Variants in PAK5 observed in about 807,000 individuals in gnomAD.
The protein encoded by PAK5 is p21 (RAC1) activated kinase 5.
Under a neutral mutation model 65.9 loss-of-function variants are expected in PAK5, and 16 were observed. The ratio of observed to expected loss-of-function variants is 0.24; its 90% CI spans 0.16 to 0.37. The LOEUF (loss-of-function observed/expected upper bound fraction) is 0.37, where lower values mean the gene tolerates loss of function less well. Ranked by LOEUF, PAK5 falls within the 10% of genes least tolerant of loss-of-function variation. The pLI is 1.00. For missense variants in PAK5, 785 were observed against 903.9 expected, an observed-to-expected ratio of 0.87 and a Z score of 1.69; for synonymous variants, 371 against 354.9, an observed-to-expected ratio of 1.05 and a Z score of -0.51.
At chr20:9,724,283 C>A (rs1404080659) in intron 1 of PAK5, among the ~76,000 whole-genome samples, 1 of 152,134 alleles carries the variant, frequency 6.6e-6, no homozygotes, top group African/African-American at 2.4e-5. Flanking sequence ...AGAAACTTCT[C>A]TCAAGTGTAA....
At chr20:9,822,388 T>G (rs1316571634) in intron 1 of PAK5, among the ~76,000 whole-genome samples, 2 of 152,214 alleles carry the variant, frequency 1.3e-5, no homozygotes, top group Non-Finnish European at 2.9e-5. Flanking sequence ...AGGTCAGTTG[T>G]AGCCTTACTT....
intron 1 of PAK5, among the ~76,000 whole-genome samples, chr20:9,741,471 G>T (rs1048558541): frequency 1.3e-5 from 2 of 152,076 alleles, no homozygotes; most frequent in African/African-American, 2.4e-5. Flanking sequence ...GGAGGAATGA[G>T]CTCAATATTG....
At chr20:9,710,898 C>T (rs561057574) in intron 2 of PAK5, among the ~76,000 whole-genome samples, 11 of 152,252 alleles carry the variant, frequency 7.2e-5, no homozygotes, top group South Asian at 4.1e-4. Context: ...GACACATGGA[C>T]GGTATGATCT....
intron 1 of PAK5, among the ~76,000 whole-genome samples, chr20:9,766,372 CAAGCAGAATATATATGTATATATA>C (rs1569079053): frequency 0.018 from 571 of 32,076 alleles, 117 homozygotes; most frequent in Non-Finnish European, 0.021. Flanking sequence ...TATATATATT[CAAGCAGAATATATATGTATATATA>C]TATTCAAGCA....
intron 3 of PAK5, among the ~76,000 whole-genome samples, chr20:9,592,607 C>G (rs2046191617): frequency 6.6e-6 from 1 of 152,126 alleles, no homozygotes; most frequent in South Asian, 2.1e-4. Flanking sequence ...TGCACCAAAC[C>G]AAAAGTTTGC....
intron 3 of PAK5, among the ~76,000 whole-genome samples, chr20:9,638,149 C>T (rs747841009): frequency 4.6e-5 from 7 of 152,152 alleles, no homozygotes; most frequent in Non-Finnish European, 1.0e-4. Context: ...TTGAGAATTA[C>T]TGGCCAATCA....
At chr20:9,636,160 C>A (rs1333511131) in intron 3 of PAK5, among the ~76,000 whole-genome samples, 2 of 152,098 alleles carry the variant, frequency 1.3e-5, no homozygotes, top group Non-Finnish European at 2.9e-5. Context: ...TTTGGGAAAG[C>A]AGATTTTTAA....
At chr20:9,784,308 A>C (rs901678067) in intron 1 of PAK5, 2 of 152,200 alleles carry the variant, frequency 1.3e-5, no homozygotes, top group African/African-American at 4.8e-5. Context: ...ATGTCAAATG[A>C]ATTCCATTTT....
At chr20:9,636,820 G>T (rs1300045913) in intron 3 of PAK5, among the ~76,000 whole-genome samples, 4 of 152,162 alleles carry the variant, frequency 2.6e-5, no homozygotes, top group African/African-American at 9.7e-5. Flanking sequence ...CAACAAAAAA[G>T]TCAGTAGTGT....
intron 1 of PAK5, among the ~76,000 whole-genome samples, chr20:9,823,236 A>G (rs950294326): frequency 3.9e-5 from 6 of 152,190 alleles, no homozygotes; most frequent in African/African-American, 1.4e-4. Context: ...CTTTCCAGAC[A>G]CTGAATCTGC....
chr20:9,593,560 C>A (rs1273628207), intron 3 of PAK5, among the ~76,000 whole-genome samples: 4 of 152,122 alleles, frequency 2.6e-5, no homozygotes, highest in Non-Finnish European at 4.4e-5. Context: ...TCCCAGTGCT[C>A]TCCCTCCTCT....
chr20:9,658,271 T>C (rs2047296707), intron 2 of PAK5, among the ~76,000 whole-genome samples: 1 of 152,186 alleles, frequency 6.6e-6, no homozygotes, highest in African/African-American at 2.4e-5. Flanking sequence ...CTGGGTCCAG[T>C]TGAGTGGTTC....
Position 9,542,673 on chromosome 20 carries a change from G to T in PAK5, c.1917C>A (p.Gly639=). The change falls in exon 9 of 10, where the codon GGC becomes GGA. Residue 639 remains glycine (G), a synonymous_variant. Transcript: ENST00000353224. ...LGIMVIEMID[G]EPPYFNEPPL... ...GAGGCTCATTGAAGTAGGGGGGCTC[G>T]CCATCAATCATTTCTATCACCATGA... 6.2e-6 allele frequency: 10 copies of T among 1,613,654 alleles called. No homozygotes were observed. The highest frequency in any genetic ancestry group is 7.6e-6 in the Non-Finnish European group (9 of 1,179,560).
intron 1 of PAK5, among the ~76,000 whole-genome samples, chr20:9,780,767 A>G (rs1362879638): frequency 6.6e-6 from 1 of 152,196 alleles, no homozygotes; most frequent in Admixed American, 6.5e-5. Context: ...TTCACATGGT[A>G]TAACCATTTG....
intron 2 of PAK5, among the ~76,000 whole-genome samples, chr20:9,682,413 G>A (rs2076788568): frequency 6.6e-6 from 1 of 152,004 alleles, no homozygotes; most frequent in African/African-American, 2.4e-5. Context: ...CAATAGGTGA[G>A]GATCTTGGTG....
intron 1 of PAK5, among the ~76,000 whole-genome samples, chr20:9,779,977 T>G (rs2048925243): frequency 6.6e-6 from 1 of 152,076 alleles, no homozygotes; most frequent in African/African-American, 2.4e-5. Context: ...AAATGCATGC[T>G]TTACCATATT....
At chr20:9,813,481 C>T (rs930500531) in intron 1 of PAK5, among the ~76,000 whole-genome samples, 1 of 151,806 alleles carries the variant, frequency 6.6e-6, no homozygotes, top group Non-Finnish European at 1.5e-5. Flanking sequence ...AAATACATAC[C>T]ACATAGTTTT....
chr20:9,658,402 C>A (rs2047298851), intron 2 of PAK5, among the ~76,000 whole-genome samples: 1 of 152,156 alleles, frequency 6.6e-6, no homozygotes, highest in Non-Finnish European at 1.5e-5. Context: ...TGGGCTTGTT[C>A]TTGTGGTGGT....
intron 1 of PAK5, among the ~76,000 whole-genome samples, chr20:9,734,185 T>C (rs2048364081): frequency 6.6e-6 from 1 of 152,196 alleles, no homozygotes; most frequent in Non-Finnish European, 1.5e-5. Flanking sequence ...TCTCAAAGTT[T>C]TTGACAGCTT....
Sources: allele counts gnomAD v4.1 joint callset (sites outside exome capture counted in the v4.1 genomes callset), GRCh38; gene constraint gnomAD v4.1.1; transcripts MANE v1.5; gene names NCBI Gene and HGNC (gene_info 2026-07-23, HGNC 2026-07-21).